ERCC6L2: variants seen among roughly 807,000 people sequenced by gnomAD.
The protein encoded by ERCC6L2 is ERCC excision repair 6 like 2, also known as DNA excision repair protein ERCC-6-like 2.
A neutral mutation model predicts 132.0 loss-of-function variants in ERCC6L2; 77 were observed. That is an observed-to-expected ratio of 0.58 (90% CI 0.49 to 0.71). ERCC6L2 has a LOEUF of 0.71. Ranked by LOEUF, ERCC6L2 falls within the 30% of genes least tolerant of loss-of-function variation. The pLI, the probability that ERCC6L2 is intolerant of heterozygous loss-of-function variation, is 0.00. For synonymous variants in ERCC6L2, 583 were observed against 632.4 expected (o/e 0.92, Z 1.17); for missense variants, 1,542 against 1,837.6 (o/e 0.84, Z 2.94).
intron 7 of ERCC6L2, among the ~76,000 whole-genome samples, chr9:95,921,991 TG>T (rs1390257278): frequency 1.3e-5 from 2 of 152,202 alleles, no homozygotes; most frequent in Non-Finnish European, 2.9e-5. Context: ...GCACTGCCAC[TG>T]CACTTAGATT....
At chr9:95,953,033 A>G (rs796165488) in intron 12 of ERCC6L2, among the ~76,000 whole-genome samples, 1 of 152,184 alleles carries the variant, frequency 6.6e-6, no homozygotes, top group African/African-American at 2.4e-5. Context: ...TCAAATTCAC[A>G]AAGACAGAAA....
chr9:96,036,614 A>C (rs1451762844), intron 19 of ERCC6L2, among the ~76,000 whole-genome samples: 4 of 152,062 alleles, frequency 2.6e-5, no homozygotes, highest in Non-Finnish European at 5.9e-5. Context: ...AGGCTGCACC[A>C]TTTTACATTT....
Position 96,016,803 on chromosome 9 carries a change from A to G in ERCC6L2, c.*3600A>G, listed in dbSNP as rs1487830928. ...TTTTGGTCTTTTTCATTGTCCTTAC[A>G]TAAAAGTTGGTAATCATATGTCAGT... On this transcript the variant is annotated 3_prime_UTR_variant, in exon 19 of 19. Coordinates refer to ENST00000653738, the MANE Select transcript of ERCC6L2 (RefSeq NM_020207.7). Among the ~76,000 whole-genome samples, 1 of 152,182 alleles carries G rather than the reference A, an allele frequency of 6.6e-6. No homozygotes were observed. The highest frequency in any genetic ancestry group is 1.5e-5 in the Non-Finnish European group (1 of 68,038).
intron 17 of ERCC6L2, among the ~76,000 whole-genome samples, chr9:95,992,272 T>C (rs1439860828): frequency 1.3e-5 from 2 of 152,212 alleles, no homozygotes; most frequent in African/African-American, 4.8e-5. Context: ...ATAAAGACTT[T>C]AAATTTTCAG....
In ERCC6L2 at chr9:95,923,300, G is replaced by C; in HGVS notation, c.1454G>C (p.Arg485Thr). The C allele has an allele frequency of 6.2e-7, 1 of 1,613,842 alleles. No individual in the cohort carries two copies. The highest frequency in any genetic ancestry group is 8.5e-7 in the Non-Finnish European group (1 of 1,179,872). Reference sequence around the variant, plus strand: ...AGGATATGTGATCAGGTATTTTCCAGATTCCCAGATTTTGTGCAGAAAAGC... The same window carrying C: ...AGGATATGTGATCAGGTATTTTCCACATTCCCAGATTTTGTGCAGAAAAGC... ...IKRICDQVFS[R>T]FPDFVQKSKD... The change falls in exon 9 of 19, where the codon AGA (arginine) becomes ACA (threonine). Residue 485 changes from arginine (R) to threonine (T), a missense_variant. By Grantham distance (71) the Arg-to-Thr change is moderately conservative. Around this residue, in one of 4 missense-constraint regions of ERCC6L2, gnomAD observed 945 missense variants for 1,105.2 expected, o/e 0.86. Transcript: ENST00000653738.
At chr9:95,880,552 G>A (rs1007813342) in intron 1 of ERCC6L2, among the ~76,000 whole-genome samples, 4 of 152,062 alleles carry the variant, frequency 2.6e-5, no homozygotes, top group South Asian at 2.1e-4. Flanking sequence ...CCAGATGCCC[G>A]TGACCCCTAT....
chr9:95,934,551 C>T (rs1014734260), intron 11 of ERCC6L2, among the ~76,000 whole-genome samples: 3 of 151,920 alleles, frequency 2.0e-5, no homozygotes, highest in Non-Finnish European at 4.4e-5. Context: ...TAAATGAAGA[C>T]AAAACTTTTG....
At chr9:95,898,812 T>G (rs755961563) in intron 3 of ERCC6L2, among the ~76,000 whole-genome samples, 2 of 152,202 alleles carry the variant, frequency 1.3e-5, no homozygotes, top group Admixed American at 6.5e-5. Flanking sequence ...TTTACTCTTG[T>G]CTATCATAAA....
rs145901667 is a variant in ERCC6L2 at position 95,937,539 on chromosome 9, A to C, written c.1752-3915A>C. Among the ~76,000 whole-genome samples, 413 of 152,106 alleles carry C rather than the reference A, an allele frequency of 2.7e-3. 1 individual carries two copies. Among genetic ancestry groups the C allele is most frequent in the African/African-American group, 9.5e-3 (396 of 41,502 alleles). ...CAATTTCTTTAATAGTTATAGGACT[A>C]TTCAGGTTGTCTGTTTCATTTAGTT... On this transcript the variant is annotated intron_variant, in intron 11 of 18. Coordinates refer to ENST00000653738, the MANE Select transcript of ERCC6L2 (RefSeq NM_020207.7).
At chr9:95,924,591 G>C (rs1029260627) in intron 9 of ERCC6L2, among the ~76,000 whole-genome samples, 1 of 152,106 alleles carries the variant, frequency 6.6e-6, no homozygotes, top group South Asian at 2.1e-4. Flanking sequence ...ATTAGTCATT[G>C]CTACTCATTT....
chr9:95,885,423 TTCA>T, intron 2 of ERCC6L2, among the ~76,000 whole-genome samples: 1 of 152,330 alleles, frequency 6.6e-6, no homozygotes, highest in Non-Finnish European at 1.5e-5. Context: ...CACCATGCAG[TTCA>T]TCACCTACTA....
At chr9:96,012,156 C>T (rs1834046901) in intron 18 of ERCC6L2, 69 bp from the exon 19 acceptor site, 1 of 1,025,368 alleles carries the variant, frequency 9.8e-7, no homozygotes, top group Non-Finnish European at 1.3e-6. Context: ...TTTCCTCTTA[C>T]TGGTGATGAG....
intron 19 of ERCC6L2, among the ~76,000 whole-genome samples, chr9:96,025,337 G>A (rs1834346435): frequency 6.6e-6 from 1 of 152,188 alleles, no homozygotes; most frequent in African/African-American, 2.4e-5. Context: ...AGCTCGCCTG[G>A]TGCTTCCAGT....
At chr9:95,994,647 A>G (rs1208613187) in intron 17 of ERCC6L2, among the ~76,000 whole-genome samples, 2 of 152,228 alleles carry the variant, frequency 1.3e-5, no homozygotes, top group Non-Finnish European at 2.9e-5. Flanking sequence ...TGGAGTATAC[A>G]GATGAGCAGG....
At chr9:95,925,522 G>A (rs1250094540) in intron 9 of ERCC6L2, among the ~76,000 whole-genome samples, 1 of 152,110 alleles carries the variant, frequency 6.6e-6, no homozygotes, top group African/African-American at 2.4e-5. Flanking sequence ...AAAACATTGG[G>A]TCTATATTGT....
chr9:95,982,970 C>G (rs7039115), intron 17 of ERCC6L2, among the ~76,000 whole-genome samples: 1 of 152,102 alleles, frequency 6.6e-6, no homozygotes, highest in Non-Finnish European at 1.5e-5. Flanking sequence ...GATTCATGCA[C>G]TAATGTAACT....
chr9:95,918,159 C>A, intron 6 of ERCC6L2: 4 of 470,244 alleles, frequency 8.5e-6, no homozygotes, highest in South Asian at 6.6e-5. Flanking sequence ...GAGTTGTGGT[C>A]ATCCTGGCTA....
At chr9:95,997,484 T>G (rs1188719704) in intron 17 of ERCC6L2, among the ~76,000 whole-genome samples, 8 of 152,262 alleles carry the variant, frequency 5.3e-5, no homozygotes, top group Non-Finnish European at 8.8e-5. Flanking sequence ...GTGAAGATGC[T>G]GTGAACATTG....
Position 95,876,031 on chromosome 9 carries a change from C to A in ERCC6L2, c.-8C>A. The A allele has an allele frequency of 1.9e-6, 3 of 1,588,370 alleles. No homozygotes were observed. Among genetic ancestry groups the A allele is most frequent in the Non-Finnish European group, 2.6e-6 (3 of 1,168,324 alleles). On this transcript the variant is annotated 5_prime_UTR_variant, in exon 1 of 19. In the 5' UTR this introduces an upstream ATG that the reference lacks. Coordinates refer to ENST00000653738, the MANE Select transcript of ERCC6L2 (RefSeq NM_020207.7). ...ATGCAGCCGGGCTCGGCCCCTCCCC[C>A]TGGCCGGATGGATCCGTCGGCGCCA... is the stretch of plus-strand genomic sequence containing the variant.
Sources: allele counts gnomAD v4.1 joint callset (sites outside exome capture counted in the v4.1 genomes callset), GRCh38; gene constraint gnomAD v4.1.1; regional missense constraint gnomAD v4.1.1; transcripts MANE v1.5; gene names NCBI Gene and HGNC (gene_info 2026-07-23, HGNC 2026-07-21).